Variants in HNF4A observed in about 807,000 individuals in gnomAD.
The protein encoded by HNF4A is hepatocyte nuclear factor 4-alpha.
A neutral mutation model predicts 52.4 loss-of-function variants in HNF4A; 15 were observed. The ratio of observed to expected loss-of-function variants is 0.29; its 90% CI spans 0.19 to 0.44. HNF4A has a LOEUF of 0.44. HNF4A is among the 20% of genes least tolerant of loss of function. The pLI, the probability that HNF4A is intolerant of heterozygous loss-of-function variation, is 1.00. For synonymous variants in HNF4A, 280 were observed against 264.4 expected (o/e 1.06, Z -0.57); for missense variants, 479 against 647.2 (o/e 0.74, Z 2.82).
At chr20:44,410,525 C>A (rs1350644104) in intron 3 of HNF4A, among the ~76,000 whole-genome samples, 1 of 151,890 alleles carries the variant, frequency 6.6e-6, no homozygotes, top group African/African-American at 2.4e-5. Flanking sequence ...CTCCCAAAGC[C>A]AAAAGAAAGT....
chr20:44,360,708 G>C (rs1568686043), intron 1 of HNF4A, among the ~76,000 whole-genome samples: 1 of 152,164 alleles, frequency 6.6e-6, no homozygotes, highest in African/African-American at 2.4e-5. Context: ...GTTTTTAAGT[G>C]CCAGGTGAGC....
At chr20:44,394,049 G>C (rs2063330379) in intron 1 of HNF4A, among the ~76,000 whole-genome samples, 1 of 152,146 alleles carries the variant, frequency 6.6e-6, no homozygotes, top group African/African-American at 2.4e-5. Context: ...TGCAGTGCCT[G>C]GCTGCTGGTC....
At chr20:44,401,788 C>A (rs929854034) in intron 1 of HNF4A, among the ~76,000 whole-genome samples, 1 of 152,178 alleles carries the variant, frequency 6.6e-6, no homozygotes, top group Non-Finnish European at 1.5e-5. Context: ...GCGCTTGGCA[C>A]AGTGACGTGA....
upstream of HNF4A, among the ~76,000 whole-genome samples, chr20:44,399,887 C>T (rs568001665): frequency 2.7e-4 from 41 of 152,290 alleles, 1 homozygote; most frequent in South Asian, 6.4e-3. Context: ...CAGGTGTCAC[C>T]GAGGCCCTCC....
intron 1 of HNF4A, among the ~76,000 whole-genome samples, chr20:44,382,573 C>T (rs1690414426): frequency 6.6e-6 from 1 of 152,140 alleles, no homozygotes; most frequent in African/African-American, 2.4e-5. Context: ...CCTCTGCCAT[C>T]CTAGGAAAAT....
chr20:44,365,376 G>C (rs920619723), intron 1 of HNF4A, among the ~76,000 whole-genome samples: 1 of 151,988 alleles, frequency 6.6e-6, no homozygotes, highest in Non-Finnish European at 1.5e-5. Flanking sequence ...GTCTTGCTGT[G>C]TTGCACAGGC....
chr20:44,367,533 C>T (rs2062982028), intron 1 of HNF4A, among the ~76,000 whole-genome samples: 1 of 149,986 alleles, frequency 6.7e-6, no homozygotes, highest in African/African-American at 2.5e-5. Flanking sequence ...CCCAGCTACT[C>T]AGGAGGCTGA....
intron 1 of HNF4A, among the ~76,000 whole-genome samples, chr20:44,379,371 A>G (rs1462181100): frequency 2.0e-5 from 3 of 152,044 alleles, no homozygotes; most frequent in Non-Finnish European, 4.4e-5. Flanking sequence ...GGAAGCCGCC[A>G]TACTGCTTGC....
chr20:44,402,631 T>C (rs1052419177), intron 1 of HNF4A: 2 of 1,362,768 alleles, frequency 1.5e-6, no homozygotes, highest in African/African-American at 3.0e-5. Flanking sequence ...GGGTGGACAG[T>C]TCTCCACAGG....
chr20:44,369,033 G>T (rs903616255), intron 1 of HNF4A, among the ~76,000 whole-genome samples: 2 of 151,764 alleles, frequency 1.3e-5, no homozygotes, highest in Non-Finnish European at 2.9e-5. Context: ...AGATCACAAG[G>T]TCAGGAGTTC....
intron 1 of HNF4A, among the ~76,000 whole-genome samples, chr20:44,402,242 G>A (rs1819597751): frequency 6.6e-6 from 1 of 151,996 alleles, no homozygotes; most frequent in Non-Finnish European, 1.5e-5. Context: ...ATGTATGTAA[G>A]TGTGTATGTG....
Position 44,401,377 on chromosome 20 carries a change from G to GAA in HNF4A, c.6_7insAA (p.Leu3AsnfsTer33), listed in dbSNP as rs1253819799. 1.2e-6 allele frequency: 2 copies of GAA among 1,613,986 alleles called. No homozygotes were observed. Among genetic ancestry groups the GAA allele is most frequent in the Non-Finnish European group, 1.7e-6 (2 of 1,180,012 alleles). ...CGCGGCGTGGAGGCAGGGAGAATGC[G>GAA]ACTCTCCAAAACCCTCGTCGACATG... is the stretch of plus-strand genomic sequence containing the variant. On this transcript the variant is annotated frameshift_variant, in exon 1 of 10. Transcript: ENST00000316099. LOFTEE classifies it high-confidence loss of function.
chr20:44,363,701 C>T (rs1046646679), intron 1 of HNF4A, among the ~76,000 whole-genome samples: 1 of 145,230 alleles, frequency 6.9e-6, no homozygotes. Context: ...GTTTCTCCAT[C>T]TACTCTTTTT....
Position 44,424,043 on chromosome 20 carries a change from G to A in HNF4A, c.918G>A (p.Gly306=), listed in dbSNP as rs1225653385. 4 of 1,613,112 alleles carry A rather than the reference G, an allele frequency of 2.5e-6. No individual in the cohort carries two copies. Among genetic ancestry groups the A allele is most frequent in the Admixed American group, 1.7e-5 (1 of 59,988 alleles). ...ATGCCAAGGGGCTGAGCGATCCAGG[G>A]AAGATCAAGCGGCTGCGTTCCCAGG... Residue 306 remains glycine, a synonymous_variant, in exon 8 of 10, where the codon GGG becomes GGA. Transcript: ENST00000316099.
chr20:44,401,171 C>T (rs2063402271), upstream of HNF4A: 1 of 1,456,136 alleles, frequency 6.9e-7, no homozygotes, highest in African/African-American at 1.4e-5. Flanking sequence ...GACCGATTAA[C>T]CATTAACCCC....
At chr20:44,385,002 G>T (rs1377111894) in intron 1 of HNF4A, among the ~76,000 whole-genome samples, 1 of 148,088 alleles carries the variant, frequency 6.8e-6, no homozygotes, top group Non-Finnish European at 1.5e-5. Flanking sequence ...GAGTCCTTTT[G>T]GGTGGGGAGG....
Position 44,431,808 on chromosome 20 carries a change from A to T in HNF4A, c.*2143A>T, listed in dbSNP as rs984684108. ...TGGAGGCAGTGCCCCAGTGCCCAGA[A>T]ATCCCACCATTAGTGATTGTTTTTT... On this transcript the variant is annotated 3_prime_UTR_variant, in exon 10 of 10. Transcript: ENST00000316099. The T allele has an allele frequency of 3.3e-5, 5 of 152,302 alleles. No individual in the cohort carries two copies. The allele number at this position is 152,302 out of a possible 1,614,324, so 9.4% of individuals were successfully genotyped here. A position where few individuals can be genotyped will look rare whatever the true frequency, so the allele number is the denominator to read the frequency against.
intron 5 of HNF4A, among the ~76,000 whole-genome samples, chr20:44,418,033 G>T (rs535117559): frequency 1.3e-5 from 2 of 151,836 alleles, no homozygotes; most frequent in Admixed American, 1.3e-4. Flanking sequence ...TCCATAGCTG[G>T]TCCATGGGTG....
intron 3 of HNF4A, among the ~76,000 whole-genome samples, chr20:44,411,625 CTTCTG>C (rs1245810836): frequency 1.3e-5 from 2 of 152,188 alleles, no homozygotes; most frequent in Admixed American, 1.3e-4. Context: ...TGCCTCTGGA[CTTCTG>C]TTCTATCCAC....
Sources: allele counts gnomAD v4.1 joint callset (sites outside exome capture counted in the v4.1 genomes callset), GRCh38; gene constraint gnomAD v4.1.1; transcripts MANE v1.5; gene names NCBI Gene and HGNC (gene_info 2026-07-23, HGNC 2026-07-21).